The following ZFAT variants were observed in gnomAD, a reference collection of about 807,000 sequenced individuals.
ZFAT encodes the protein zinc finger and AT-hook domain containing, also known as zinc finger protein ZFAT.
ZFAT carries 64 observed loss-of-function variants against 117.7 expected under a neutral mutation model. That is an observed-to-expected ratio of 0.54 (90% confidence interval 0.44 to 0.67). ZFAT has a LOEUF of 0.67. Ranked by LOEUF, ZFAT falls within the 30% of genes least tolerant of loss-of-function variation. The pLI is 0.00. For synonymous variants in ZFAT, 679 were observed against 615.0 expected, an observed-to-expected ratio of 1.10 and a Z score of -1.54; for missense variants, 1,433 against 1,584.5, an observed-to-expected ratio of 0.90 and a Z score of 1.62.
intron 11 of ZFAT, among the ~76,000 whole-genome samples, chr8:134,564,591 T>C (rs977204297): frequency 6.6e-6 from 1 of 152,316 alleles, no homozygotes; most frequent in African/African-American, 2.4e-5. Context: ...GATGTAATGG[T>C]AGACATAATT....
chr8:134,484,991 T>A (rs1817569143), intron 15 of ZFAT, among the ~76,000 whole-genome samples: 1 of 152,056 alleles, frequency 6.6e-6, no homozygotes, highest in Admixed American at 6.5e-5. Context: ...GATGGAGACA[T>A]CATCATCAGG....
At chr8:134,585,377 C>G (rs1048462428) in intron 9 of ZFAT, among the ~76,000 whole-genome samples, 3 of 152,184 alleles carry the variant, frequency 2.0e-5, no homozygotes, top group African/African-American at 7.2e-5. Context: ...TCCCTGCTGT[C>G]TTTAGATCCT....
At position 134,602,064 on chromosome 8, in the gene ZFAT, G is replaced by T; in HGVS notation, c.1655C>A (p.Pro552His). ...LEEGRKEPEA[P>H]GEMPAPAVHL... is the part of the protein sequence containing the mutation. ...CACAGCTGGGGCAGGCATTTCCCCA[G>T]GGGCCTCCGGCTCCTTCCGGCCCTC... The change falls in exon 6 of 16, where the codon CCT (proline) becomes CAT (histidine). Residue 552 changes from proline to histidine, a missense_variant. Coordinates refer to ENST00000377838, the MANE Select transcript of ZFAT (RefSeq NM_020863.4). 6.2e-7 allele frequency: 1 copy of T among 1,611,492 alleles called. No individual in the cohort carries two copies. Among genetic ancestry groups the T allele is most frequent in the Non-Finnish European group, 8.5e-7 (1 of 1,179,418 alleles).
At chr8:134,776,630 C>A in the ZFAT span, among the ~76,000 whole-genome samples, 1 of 152,182 alleles carries the variant, frequency 6.6e-6, no homozygotes. Flanking sequence ...GCTAGGCCTG[C>A]ATAGCTGATG....
intron 1 of ZFAT, among the ~76,000 whole-genome samples, chr8:134,694,140 A>C (rs1833714977): frequency 6.6e-6 from 1 of 152,200 alleles, no homozygotes; most frequent in East Asian, 1.9e-4. Flanking sequence ...TGACGCTGGA[A>C]CGCGGGGCGC....
At chr8:134,831,374 A>G in the ZFAT span, among the ~76,000 whole-genome samples, 1 of 152,204 alleles carries the variant, frequency 6.6e-6, no homozygotes, top group Non-Finnish European at 1.5e-5. Flanking sequence ...TTTATCATTT[A>G]GTCCTAAAAT....
intron 15 of ZFAT, among the ~76,000 whole-genome samples, chr8:134,492,396 C>T (rs905675496): frequency 6.0e-4 from 92 of 152,282 alleles, no homozygotes; most frequent in African/African-American, 2.0e-3. Flanking sequence ...CTCAGAAATT[C>T]GTAGACTCCA....
At chr8:134,799,677 G>C in the ZFAT span, among the ~76,000 whole-genome samples, 2 of 152,174 alleles carry the variant, frequency 1.3e-5, no homozygotes, top group Non-Finnish European at 2.9e-5. Context: ...ACATAGCGAA[G>C]TAACTCGCAG....
chr8:134,821,585 C>T, the ZFAT span, among the ~76,000 whole-genome samples: 1 of 151,030 alleles, frequency 6.6e-6, no homozygotes, highest in South Asian at 2.1e-4. Flanking sequence ...CTCAGTTTGG[C>T]AAAAAAGAAG....
chr8:134,807,344 AAG>A, the ZFAT span, among the ~76,000 whole-genome samples: 23 of 152,224 alleles, frequency 1.5e-4, no homozygotes, highest in Non-Finnish European at 2.8e-4. Flanking sequence ...GTATTGTTGT[AAG>A]AGAGTTTTAC....
intron 3 of ZFAT, among the ~76,000 whole-genome samples, chr8:134,617,562 G>T (rs1423670597): frequency 1.3e-5 from 2 of 152,090 alleles, no homozygotes; most frequent in Admixed American, 1.3e-4. Flanking sequence ...AGCCTTTAGG[G>T]GCAGATGGGA....
At chr8:134,604,987 G>A (rs940329415) in intron 5 of ZFAT, among the ~76,000 whole-genome samples, 6 of 152,140 alleles carry the variant, frequency 3.9e-5, no homozygotes, top group African/African-American at 1.4e-4. Context: ...CTCCTCTACT[G>A]CAAGATCTAA....
At chr8:134,790,465 C>T in the ZFAT span, among the ~76,000 whole-genome samples, 6 of 152,126 alleles carry the variant, frequency 3.9e-5, no homozygotes, top group African/African-American at 1.2e-4. Context: ...ATAACGTAGC[C>T]GTTAGGGGGT....
chr8:134,634,130 T>C (rs1454479656), intron 3 of ZFAT, among the ~76,000 whole-genome samples: 1 of 152,188 alleles, frequency 6.6e-6, no homozygotes, highest in East Asian at 1.9e-4. Context: ...AAAATGACTA[T>C]TAGTTGTAAA....
At chr8:134,590,661 A>C (rs28694371) in intron 7 of ZFAT, among the ~76,000 whole-genome samples, 22 of 133,428 alleles carry the variant, frequency 1.6e-4, no homozygotes, top group African/African-American at 4.7e-4. Flanking sequence ...ACCACCACCA[A>C]CACCACCACA....
chr8:134,756,357 C>T, the ZFAT span, among the ~76,000 whole-genome samples: 1 of 152,216 alleles, frequency 6.6e-6, no homozygotes, highest in Admixed American at 6.5e-5. Flanking sequence ...TGATCGTGAC[C>T]ATGACTGAGA....
intron 2 of ZFAT, among the ~76,000 whole-genome samples, chr8:134,644,538 C>T (rs1166791634): frequency 6.6e-6 from 1 of 151,766 alleles, no homozygotes; most frequent in African/African-American, 2.4e-5. Flanking sequence ...ACCTATACAA[C>T]CACACACACA....
chr8:134,559,548 C>A (rs1181580626), intron 11 of ZFAT, among the ~76,000 whole-genome samples: 2 of 152,204 alleles, frequency 1.3e-5, no homozygotes, highest in Non-Finnish European at 1.5e-5. Flanking sequence ...AGGATAAAAT[C>A]TTACAAGTGG....
chr8:134,484,483 C>T lies in ZFAT; in HGVS notation c.3493-5762G>A, dbSNP rs546207909. On this transcript the variant is annotated intron_variant, in intron 15 of 15. Coordinates refer to ENST00000377838, the MANE Select transcript of ZFAT (RefSeq NM_020863.4). ...CCAGATGATCTGAAAGTAGGGAAGACGGTGCATTGTCTATGGAGGAGAGTC... is the reference window on the plus strand; with the variant it reads ...CCAGATGATCTGAAAGTAGGGAAGATGGTGCATTGTCTATGGAGGAGAGTC... Among the ~76,000 whole-genome samples the T allele has an allele frequency of 9.2e-5, 14 of 152,316 alleles. No individual in the cohort carries two copies. In the East Asian group the frequency reaches 2.1e-3, roughly 23 times the overall value.
Sources: allele counts gnomAD v4.1 joint callset (sites outside exome capture counted in the v4.1 genomes callset), GRCh38; gene constraint gnomAD v4.1.1; transcripts MANE v1.5; gene names NCBI Gene and HGNC (gene_info 2026-07-23, HGNC 2026-07-21).